Variants in FTO observed in about 807,000 individuals in gnomAD.
FTO encodes FTO alpha-ketoglutarate dependent dioxygenase.
In FTO, 47 loss-of-function variants were observed where a neutral mutation model predicts 63.9. The observed-to-expected ratio is 0.74, with a 90% CI of 0.58 to 0.94. FTO has a LOEUF of 0.94. FTO is among the 40% of genes least tolerant of loss of function. The pLI, the probability that FTO is intolerant of heterozygous loss-of-function variation, is 0.00. For missense variants in FTO, 562 were observed against 618.1 expected (o/e 0.91, Z 0.96); for synonymous variants, 207 against 224.4 (o/e 0.92, Z 0.69).
intron 1 of FTO, among the ~76,000 whole-genome samples, chr16:53,775,824 C>G (rs2077445942): frequency 6.6e-6 from 1 of 152,130 alleles, no homozygotes; most frequent in Non-Finnish European, 1.5e-5. Context: ...ATCACTTAGG[C>G]ACAGAGTTTT....
intron 8 of FTO, among the ~76,000 whole-genome samples, chr16:54,079,213 T>C (rs9931580): frequency 0.34 from 52,068 of 151,916 alleles, 9,168 homozygotes; most frequent in South Asian, 0.42. Context: ...CCCTTAGAGA[T>C]GGGGTAGTAT....
At chr16:54,020,252 G>A (rs1297536232) in intron 8 of FTO, among the ~76,000 whole-genome samples, 1 of 152,162 alleles carries the variant, frequency 6.6e-6, no homozygotes, top group Non-Finnish European at 1.5e-5. Flanking sequence ...ATTAATGCAT[G>A]ATTTATAAAT....
intron 8 of FTO, among the ~76,000 whole-genome samples, chr16:54,023,177 G>A (rs2084638538): frequency 6.6e-6 from 1 of 152,202 alleles, no homozygotes; most frequent in African/African-American, 2.4e-5. Context: ...CGCATCTTCT[G>A]TAAATAGTCT....
intron 8 of FTO, among the ~76,000 whole-genome samples, chr16:54,036,265 A>T (rs1489132180): frequency 6.6e-6 from 1 of 152,156 alleles, no homozygotes; most frequent in Admixed American, 6.5e-5. Context: ...AATGTTTTAA[A>T]CATTTTGACC....
rs1222652247 is a variant in FTO, at chr16:53,934,004, A to G, written c.1259A>G (p.Glu420Gly). 1.2e-6 allele frequency: 2 copies of G among 1,613,730 alleles called. No homozygotes were observed. The highest frequency in any genetic ancestry group is 8.5e-7 in the Non-Finnish European group (1 of 1,179,894). The change falls in exon 8 of 9, where the codon GAA (glutamate) becomes GGA (glycine). Residue 420 changes from glutamate to glycine, a missense_variant. Glu to Gly is a moderately conservative substitution (Grantham distance 98). Coordinates refer to ENST00000471389, the MANE Select transcript of FTO (RefSeq NM_001080432.3). ...MEGVTNAVLH[E>G]VKREGLPVEQ... ...TTGTAGACAAATGCTGTGCTTCATG[A>G]AGTTAAAAGAGAGGGGCTCCCCGTG...
At chr16:54,015,684 A>G (rs1224172871) in intron 8 of FTO, among the ~76,000 whole-genome samples, 1 of 152,260 alleles carries the variant, frequency 6.6e-6, no homozygotes, top group Non-Finnish European at 1.5e-5. Flanking sequence ...ACCATATGCC[A>G]AATACCGTTG....
intron 6 of FTO, among the ~76,000 whole-genome samples, chr16:53,883,632 A>AC (rs1369896941): frequency 6.8e-6 from 1 of 148,134 alleles, no homozygotes; most frequent in African/African-American, 2.5e-5. Flanking sequence ...CAAAAAAAAA[A>AC]AAACAAAAAA....
At chr16:53,973,018 C>T (rs1168780890) in intron 8 of FTO, among the ~76,000 whole-genome samples, 10 of 152,120 alleles carry the variant, frequency 6.6e-5, no homozygotes, top group East Asian at 1.9e-4. Context: ...AGATGGTTAA[C>T]GGAGAAAGTA....
At chr16:54,035,501 G>T (rs1007993886) in intron 8 of FTO, among the ~76,000 whole-genome samples, 1 of 152,198 alleles carries the variant, frequency 6.6e-6, no homozygotes, top group Non-Finnish European at 1.5e-5. Flanking sequence ...TTGAGGGGAG[G>T]AGAAGGGTTA....
intron 7 of FTO, among the ~76,000 whole-genome samples, chr16:53,932,086 G>A (rs1431102049): frequency 6.6e-6 from 1 of 152,160 alleles, no homozygotes; most frequent in African/African-American, 2.4e-5. Flanking sequence ...GGCCCAGTGA[G>A]TATTTGAATT....
At position 53,840,378 on chromosome 16, in the gene FTO, G is replaced by A. The variant is rs530010556; in HGVS notation, c.752-3777G>A. The stretch of plus-strand genomic sequence containing the variant: ...ATTATTATACTGTATGCTGTCATTA[G>A]TCATGTTACATTATTAGGTATTAGT... On this transcript the variant is annotated intron_variant, in intron 3 of 8. Coordinates refer to ENST00000471389, the MANE Select transcript of FTO (RefSeq NM_001080432.3). 2.6e-5 allele frequency among the ~76,000 whole-genome samples: 4 copies of A among 152,184 alleles called. No homozygotes were observed. In the East Asian group the frequency reaches 5.8e-4, roughly 22 times the overall value.
intron 2 of FTO, among the ~76,000 whole-genome samples, chr16:53,818,942 T>C (rs1423037242): frequency 6.6e-6 from 1 of 152,318 alleles, no homozygotes; most frequent in East Asian, 1.9e-4. Context: ...GACAAATTCC[T>C]AAAAGTAGAA....
intron 8 of FTO, among the ~76,000 whole-genome samples, chr16:53,936,057 A>C (rs1364157048): frequency 6.6e-6 from 1 of 152,190 alleles, no homozygotes; most frequent in Non-Finnish European, 1.5e-5. Context: ...TAATTTTTTA[A>C]TACACCAAAT....
At chr16:53,916,520 G>C (rs142294385) in intron 7 of FTO, among the ~76,000 whole-genome samples, 2 of 152,190 alleles carry the variant, frequency 1.3e-5, no homozygotes, top group African/African-American at 2.4e-5. Flanking sequence ...TAGATGGTCC[G>C]TAAATCACGT....
At chr16:53,813,221 T>C (rs538322214) in intron 2 of FTO, among the ~76,000 whole-genome samples, 2 of 152,118 alleles carry the variant, frequency 1.3e-5, no homozygotes, top group South Asian at 2.1e-4. Context: ...CTTTTCTTTT[T>C]TTTTTTTTGA....
At chr16:53,935,146 C>G (rs527492230) in intron 8 of FTO, among the ~76,000 whole-genome samples, 4 of 152,280 alleles carry the variant, frequency 2.6e-5, no homozygotes, top group Admixed American at 1.3e-4. Context: ...TGTCATCCGT[C>G]TCTAAGCCAG....
At chr16:53,921,701 T>C (rs2082010829) in intron 7 of FTO, among the ~76,000 whole-genome samples, 1 of 152,206 alleles carries the variant, frequency 6.6e-6, no homozygotes, top group Non-Finnish European at 1.5e-5. Flanking sequence ...TGTACAGGTA[T>C]GTCCATGTTT....
chr16:53,951,305 G>A (rs1344426424), intron 8 of FTO, among the ~76,000 whole-genome samples: 1 of 152,098 alleles, frequency 6.6e-6, no homozygotes, highest in South Asian at 2.1e-4. Flanking sequence ...CAGTTTTTTA[G>A]TGCTGAGATA....
At chr16:53,735,439 A>G (rs2151522894) in intron 1 of FTO, among the ~76,000 whole-genome samples, 1 of 152,336 alleles carries the variant, frequency 6.6e-6, no homozygotes. Context: ...CAAATCAGCT[A>G]ACATGGACTC....
Sources: gnomAD v4.1 joint callset for allele counts (sites outside exome capture counted in the v4.1 genomes callset) on GRCh38, gnomAD v4.1.1 for gene constraint, MANE v1.5 for transcripts, NCBI Gene and HGNC (gene_info 2026-07-23, HGNC 2026-07-21) for gene names.